The following PRDM10 variants were observed in gnomAD, a reference collection of about 807,000 sequenced individuals.
The protein encoded by PRDM10 is PR/SET domain 10.
In PRDM10, 65 loss-of-function variants were observed where a neutral mutation model predicts 133.1. The ratio of observed to expected loss-of-function variants is 0.49; its 90% CI spans 0.40 to 0.60. The LOEUF (loss-of-function observed/expected upper bound fraction) is 0.60. Among genes scored for constraint, PRDM10 ranks in the 20% least tolerant of loss-of-function variants. The probability of loss-of-function intolerance (pLI) is 0.00; values close to 1 mark genes in which losing one functional copy is unlikely to be tolerated. For synonymous variants in PRDM10, 582 were observed against 580.4 expected (o/e 1.00, Z -0.04); for missense variants, 1,137 against 1,507.1 (o/e 0.75, Z 4.07).
At chr11:129,967,072 T>C (rs1394545424) in intron 1 of PRDM10, among the ~76,000 whole-genome samples, 2 of 152,152 alleles carry the variant, frequency 1.3e-5, no homozygotes, top group South Asian at 2.1e-4. Flanking sequence ...TCAATAAGTA[T>C]ATAATTAAAA....
At chr11:129,965,007 T>G (rs571947922) in intron 1 of PRDM10, among the ~76,000 whole-genome samples, 2 of 152,336 alleles carry the variant, frequency 1.3e-5, no homozygotes, top group South Asian at 2.1e-4. Flanking sequence ...TTATACTCTT[T>G]AAAAATCTAA....
intron 1 of PRDM10, among the ~76,000 whole-genome samples, chr11:129,990,522 CAAAAAAAAAAAA>C (rs59217112): frequency 2.4e-4 from 16 of 67,084 alleles, no homozygotes; most frequent in East Asian, 2.9e-4. Context: ...ACTTTGTCTC[CAAAAAAAAAAAA>C]AAAAAAAAAA....
intron 1 of PRDM10, among the ~76,000 whole-genome samples, chr11:129,962,512 T>C (rs984733680): frequency 6.6e-6 from 1 of 152,104 alleles, no homozygotes; most frequent in African/African-American, 2.4e-5. Flanking sequence ...CCAATCCCCA[T>C]TTGGGGGGGA....
At chr11:129,997,547 T>C (rs1446838661) in intron 1 of PRDM10, among the ~76,000 whole-genome samples, 1 of 149,080 alleles carries the variant, frequency 6.7e-6, no homozygotes, top group East Asian at 1.9e-4. Flanking sequence ...CCTTCCACCT[T>C]TAGAATCAAA....
At chr11:129,939,765 G>C (rs1951148601) in intron 7 of PRDM10, among the ~76,000 whole-genome samples, 1 of 152,200 alleles carries the variant, frequency 6.6e-6, no homozygotes, top group Non-Finnish European at 1.5e-5. Context: ...ATCCTGCAGG[G>C]CTTCTCAGTA....
intron 10 of PRDM10, among the ~76,000 whole-genome samples, chr11:129,931,566 A>ATTTTTTTT (rs1164067658): frequency 8.8e-5 from 11 of 124,402 alleles, no homozygotes; most frequent in Non-Finnish European, 1.7e-4. Flanking sequence ...TTTTTATTTT[A>ATTTTTTTT]TTTTATTTTA....
chr11:129,984,225 T>G lies in PRDM10; in HGVS notation c.-119+18497A>C, dbSNP rs1011220527. On this transcript the variant is annotated intron_variant, in intron 1 of 20. Transcript: ENST00000360871. The stretch of plus-strand genomic sequence containing the variant: ...CGCTCAGCGGAGGTGGCCTTCCCAC[T>G]GGGTGGCTGGCACCAGGCCTTCTGG... Among the ~76,000 whole-genome samples, 3 of 152,328 alleles carry G rather than the reference T, an allele frequency of 2.0e-5. No homozygotes were observed. In the South Asian group the frequency reaches 6.2e-4, roughly 32 times the overall value.
chr11:129,956,844 A>G (rs1951705606), intron 3 of PRDM10, among the ~76,000 whole-genome samples: 2 of 152,202 alleles, frequency 1.3e-5, no homozygotes, highest in Non-Finnish European at 2.9e-5. Context: ...CCAAGATGCT[A>G]CTATAAAAGT....
chr11:129,965,712 T>A (rs1277737816), intron 1 of PRDM10, among the ~76,000 whole-genome samples: 1 of 151,836 alleles, frequency 6.6e-6, no homozygotes, highest in East Asian at 1.9e-4. Flanking sequence ...CAGGCACTGT[T>A]CTAGGTCCTT....
In PRDM10 at chr11:129,971,765, C is replaced by T. The variant is rs1025629700; in HGVS notation, c.-118-10683G>A. On this transcript the variant is annotated intron_variant, in intron 1 of 20. Coordinates refer to ENST00000360871, the MANE Select transcript of PRDM10 (RefSeq NM_199437.2). ...CCACCAGACTCAGGAGCCCAGCTGG[C>T]TTCACCCAGTGGATCCCGCACCGGG... is the stretch of plus-strand genomic sequence containing the variant. Among the ~76,000 whole-genome samples the T allele has an allele frequency of 1.5e-4, 23 of 152,396 alleles. No homozygotes were observed. In the East Asian group the frequency reaches 4.4e-3, roughly 29 times the overall value.
chr11:129,920,564 G>C (rs1632763), intron 13 of PRDM10, among the ~76,000 whole-genome samples: 1 of 152,040 alleles, frequency 6.6e-6, no homozygotes, highest in South Asian at 2.1e-4. Flanking sequence ...CAGCGCGCTA[G>C]CTTAACCCGC....
intron 7 of PRDM10, 126 bp downstream of exon 7, chr11:129,942,300 A>G: frequency 1.2e-6 from 1 of 827,048 alleles, no homozygotes; most frequent in Non-Finnish European, 1.9e-6. Context: ...GTATGTGAAT[A>G]ACCAGAAAAT....
In PRDM10 at chr11:129,945,379, T is replaced by C. The variant is rs916633444; in HGVS notation, c.521-367A>G. On this transcript the variant is annotated intron_variant, in intron 5 of 20. Transcript: ENST00000360871. This position sits in a 1 kb window ranked among gnomAD's most constrained non-coding sequence, Gnocchi z 4.2. ...TGTTGCACTATCTGATGAGACAAAA[T>C]AGGTGAATTTTATAGTATGCCCATT... Among the ~76,000 whole-genome samples the C allele has an allele frequency of 6.6e-6, 1 of 152,060 alleles. No homozygotes were observed. The highest frequency in any genetic ancestry group is 6.5e-5 in the Admixed American group (1 of 15,268).
At chr11:129,962,007 T>G (rs1951806376) in intron 1 of PRDM10, among the ~76,000 whole-genome samples, 1 of 152,128 alleles carries the variant, frequency 6.6e-6, no homozygotes. Context: ...GAATAATAAG[T>G]CTCAAGATGA....
At chr11:130,000,977 C>T (rs1939331801) in intron 1 of PRDM10, among the ~76,000 whole-genome samples, 2 of 152,070 alleles carry the variant, frequency 1.3e-5, no homozygotes, top group Non-Finnish European at 2.9e-5. Flanking sequence ...CGTGGTGGTG[C>T]ACGCCTGTAG....
At chr11:129,993,364 G>A (rs915389015) in intron 1 of PRDM10, among the ~76,000 whole-genome samples, 1 of 152,046 alleles carries the variant, frequency 6.6e-6, no homozygotes, top group African/African-American at 2.4e-5. Context: ...TTATTGTTTT[G>A]CCTGCCTTTC....
At chr11:129,944,445 C>T (rs558643420) in intron 6 of PRDM10, among the ~76,000 whole-genome samples, 67 of 152,090 alleles carry the variant, frequency 4.4e-4, no homozygotes, top group African/African-American at 1.4e-3. Flanking sequence ...ATTAGCCGGG[C>T]GTGGTGGCGG....
At chr11:129,974,800 C>A (rs1420182892) in intron 1 of PRDM10, among the ~76,000 whole-genome samples, 2 of 152,212 alleles carry the variant, frequency 1.3e-5, no homozygotes, top group Non-Finnish European at 2.9e-5. Context: ...AATGGGTCAA[C>A]AAACTGTGGT....
chr11:129,987,034 C>T (rs1432183160), intron 1 of PRDM10, among the ~76,000 whole-genome samples: 5 of 152,096 alleles, frequency 3.3e-5, no homozygotes, highest in South Asian at 2.1e-4. Flanking sequence ...TGAAAATAAG[C>T]ACCTCAAGTT....
Sources: gnomAD v4.1 joint callset for allele counts (sites outside exome capture counted in the v4.1 genomes callset) on GRCh38, gnomAD v4.1.1 for gene constraint, Gnocchi (gnomAD v3.1) non-coding constraint, MANE v1.5 for transcripts, NCBI Gene and HGNC (gene_info 2026-07-23, HGNC 2026-07-21) for gene names.